The following VPS53 variants were observed in gnomAD, a reference collection of about 807,000 sequenced individuals.
The protein encoded by VPS53 is vacuolar protein sorting-associated protein 53 homolog.
Under a neutral mutation model 107.0 loss-of-function variants are expected in VPS53, and 70 were observed. The observed-to-expected ratio is 0.65, with a 90% confidence interval of 0.54 to 0.80. The LOEUF (loss-of-function observed/expected upper bound fraction) is 0.80, where lower values mean the gene tolerates loss of function less well. Ranked by LOEUF, VPS53 falls within the 30% of genes least tolerant of loss-of-function variation. The probability of loss-of-function intolerance (pLI) is 0.00; values close to 1 mark genes in which losing one functional copy is unlikely to be tolerated. For missense variants in VPS53, 917 were observed against 1,049.4 expected (o/e 0.87, Z 1.74); for synonymous variants, 409 against 393.3 (o/e 1.04, Z -0.47).
At chr17:667,293 C>T (rs1211756712) in intron 4 of VPS53, among the ~76,000 whole-genome samples, 1 of 134,742 alleles carries the variant, frequency 7.4e-6, no homozygotes, top group Non-Finnish European at 1.7e-5. Context: ...GCTTGCTGAC[C>T]CTGGTATAGA....
intron 2 of VPS53, among the ~76,000 whole-genome samples, chr17:710,006 G>A (rs537293666): frequency 1.8e-4 from 27 of 152,132 alleles, no homozygotes; most frequent in East Asian, 5.8e-4. Context: ...TTAGCCAGGC[G>A]TGATGGTGGG....
intron 11 of VPS53, 50 bp downstream of exon 11, chr17:623,483 A>G (rs1371934127): frequency 6.4e-7 from 1 of 1,574,142 alleles, no homozygotes; most frequent in Non-Finnish European, 8.7e-7. Context: ...CTGAATCCCA[A>G]CCACCCAACC....
At chr17:617,030 G>A (rs111608555) in intron 11 of VPS53, among the ~76,000 whole-genome samples, 3 of 152,196 alleles carry the variant, frequency 2.0e-5, no homozygotes, top group Non-Finnish European at 4.4e-5. Context: ...CTCAAAACAA[G>A]TGCTTGGCAA....
At position 672,049 on chromosome 17, in the gene VPS53, G is replaced by A. The variant is rs990382955; in HGVS notation, c.286-10154C>T. ...TCCCAAGAAGTGAAACTGAGTTAGA[G>A]AGCAGCTAGGTTCCCCAGGAAGGGC... is the stretch of plus-strand genomic sequence containing the variant. On this transcript the variant is annotated intron_variant, in intron 4 of 21. Transcript: ENST00000437048. Among the ~76,000 whole-genome samples, 3 of 150,916 alleles carry A rather than the reference G, an allele frequency of 2.0e-5. No individual in the cohort carries two copies. The South Asian group carries it at 6.3e-4, about 32-fold the overall frequency.
chr17:598,378 A>G (rs1383799870), intron 12 of VPS53, among the ~76,000 whole-genome samples: 9 of 149,530 alleles, frequency 6.0e-5, no homozygotes, highest in South Asian at 4.3e-4. Flanking sequence ...CTGCCCGGCC[A>G]CCACCCCGTC....
chr17:647,159 C>G (rs1970745690), intron 7 of VPS53, among the ~76,000 whole-genome samples: 2 of 152,182 alleles, frequency 1.3e-5, no homozygotes, highest in South Asian at 4.1e-4. Flanking sequence ...TTGGTAAGAT[C>G]CCACCCATTC....
At chr17:612,957 A>G (rs1365436527) in intron 11 of VPS53, among the ~76,000 whole-genome samples, 2 of 151,286 alleles carry the variant, frequency 1.3e-5, no homozygotes, top group African/African-American at 4.9e-5. Context: ...TAGTGAATTC[A>G]CACAGTGAAA....
chr17:709,465 G>T (rs1973555562), intron 2 of VPS53, among the ~76,000 whole-genome samples: 1 of 152,180 alleles, frequency 6.6e-6, no homozygotes, highest in Admixed American at 6.5e-5. Context: ...AAGCTCGGCA[G>T]ACAGGCTACC....
intron 13 of VPS53, among the ~76,000 whole-genome samples, chr17:577,124 C>A (rs1356262787): frequency 2.6e-5 from 4 of 151,334 alleles, no homozygotes; most frequent in African/African-American, 9.7e-5. Flanking sequence ...CAAAGAACTT[C>A]CCTCAGACCT....
chr17:657,264 TC>T, intron 5 of VPS53: 1 of 922,026 alleles, frequency 1.1e-6, no homozygotes, highest in Non-Finnish European at 1.8e-6. Context: ...ACCTTTGGTG[TC>T]ACGGATCAGA....
chr17:680,872 TA>T (rs1305333219), intron 4 of VPS53, among the ~76,000 whole-genome samples: 2 of 152,238 alleles, frequency 1.3e-5, no homozygotes, highest in African/African-American at 4.8e-5. Context: ...TAGCTGATCC[TA>T]AAGAGCATTT....
chr17:628,282 C>T, intron 8 of VPS53, 51 bp from the exon 9 acceptor site: 1 of 1,597,586 alleles, frequency 6.3e-7, no homozygotes. Context: ...ACCTTTAAAC[C>T]TCATGGCTTC....
intron 19 of VPS53, among the ~76,000 whole-genome samples, chr17:526,570 T>G (rs201167027): frequency 1.3e-5 from 2 of 152,256 alleles, no homozygotes; most frequent in East Asian, 3.8e-4. Flanking sequence ...CCATTTATCA[T>G]GAAAATCTGC....
At position 701,362 on chromosome 17, in the gene VPS53, T is replaced by C. The variant is rs1237905759; in HGVS notation, c.169-1982A>G. On this transcript the variant is annotated intron_variant, in intron 2 of 21. Transcript: ENST00000437048. ...GAATCTCAGAAAAATTACTTTAATTTATATATAATTATATATATACATATA... is the reference window on the plus strand; with the variant it reads ...GAATCTCAGAAAAATTACTTTAATTCATATATAATTATATATATACATATA... 4.0e-5 allele frequency among the ~76,000 whole-genome samples: 6 copies of C among 151,754 alleles called. No homozygotes were observed. In the East Asian group the frequency reaches 1.2e-3, roughly 29 times the overall value.
intron 4 of VPS53, among the ~76,000 whole-genome samples, chr17:681,389 C>A (rs1315452348): frequency 1.3e-5 from 2 of 152,246 alleles, no homozygotes; most frequent in African/African-American, 4.8e-5. Flanking sequence ...CCTGCCTCAG[C>A]CTCCCCAAGT....
At chr17:636,804 CT>C (rs1368869313) in intron 7 of VPS53, among the ~76,000 whole-genome samples, 3 of 152,190 alleles carry the variant, frequency 2.0e-5, no homozygotes, top group Non-Finnish European at 4.4e-5. Flanking sequence ...TGATGTGCTG[CT>C]GGATTTGGTT....
chr17:603,647 T>C (rs1306238936), intron 11 of VPS53, among the ~76,000 whole-genome samples: 2 of 152,194 alleles, frequency 1.3e-5, no homozygotes, highest in Non-Finnish European at 2.9e-5. Context: ...GTTTTTGTGG[T>C]ATCCTGGTGA....
chr17:623,358 CAATA>C (rs1969552224), intron 11 of VPS53, among the ~76,000 whole-genome samples, 171 bp downstream of exon 11: 1 of 152,076 alleles, frequency 6.6e-6, no homozygotes, highest in Non-Finnish European at 1.5e-5. Flanking sequence ...AAGAGACAAA[CAATA>C]AATCCACACA....
chr17:611,955 T>TAGTG (rs1244793411), intron 11 of VPS53, among the ~76,000 whole-genome samples: 4 of 149,640 alleles, frequency 2.7e-5, no homozygotes, highest in South Asian at 2.1e-4. Flanking sequence ...GATATTCACA[T>TAGTG]AGTTCACACA....
Sources: allele counts gnomAD v4.1 joint callset (sites outside exome capture counted in the v4.1 genomes callset), GRCh38; gene constraint gnomAD v4.1.1; transcripts MANE v1.5; gene names NCBI Gene and HGNC (gene_info 2026-07-23, HGNC 2026-07-21).